FSTL5: variants seen among roughly 807,000 people sequenced by gnomAD.
FSTL5 encodes follistatin-related protein 5.
A neutral mutation model predicts 89.1 loss-of-function variants in FSTL5; 62 were observed. The ratio of observed to expected loss-of-function variants is 0.70; its 90% confidence interval spans 0.57 to 0.86. The LOEUF is 0.86. FSTL5 is among the 40% of genes least tolerant of loss of function. The pLI is 0.00. For missense variants in FSTL5, 1,057 were observed against 1,001.6 expected (o/e 1.06, Z -0.75); for synonymous variants, 383 against 346.2 (o/e 1.11, Z -1.18).
chr4:161,775,389 A>T (rs945917100), intron 5 of FSTL5, among the ~76,000 whole-genome samples: 1 of 152,182 alleles, frequency 6.6e-6, no homozygotes, highest in African/African-American at 2.4e-5. Context: ...CAAACTGAAT[A>T]TGCAGTAATT....
At chr4:162,056,387 T>C (rs2111269475) in intron 2 of FSTL5, among the ~76,000 whole-genome samples, 1 of 152,174 alleles carries the variant, frequency 6.6e-6, no homozygotes, top group African/African-American at 2.4e-5. Flanking sequence ...TATTTTAGCA[T>C]GCAGGTATTC....
chr4:161,728,270 G>T (rs1019393396), intron 6 of FSTL5, among the ~76,000 whole-genome samples: 1 of 152,148 alleles, frequency 6.6e-6, no homozygotes, highest in African/African-American at 2.4e-5. Flanking sequence ...TTAACATGGG[G>T]TGTTTTTAAT....
At chr4:161,801,928 T>G (rs1011011421) in intron 4 of FSTL5, among the ~76,000 whole-genome samples, 5 of 151,778 alleles carry the variant, frequency 3.3e-5, no homozygotes, top group Middle Eastern at 3.4e-3. Context: ...GAAAATGTCT[T>G]TCTCCTGGTC....
intron 2 of FSTL5, among the ~76,000 whole-genome samples, chr4:162,082,110 A>G (rs1438957776): frequency 6.6e-6 from 1 of 151,764 alleles, no homozygotes; most frequent in Admixed American, 6.6e-5. Flanking sequence ...ATTTAGACAG[A>G]TAACACTCAG....
intron 6 of FSTL5, among the ~76,000 whole-genome samples, chr4:161,698,176 G>T (rs1738245827): frequency 6.6e-6 from 1 of 152,170 alleles, no homozygotes; most frequent in African/African-American, 2.4e-5. Flanking sequence ...ACAGCAAGAA[G>T]ATGGCCATTT....
intron 4 of FSTL5, among the ~76,000 whole-genome samples, chr4:161,912,720 C>G (rs1471875534): frequency 6.6e-6 from 1 of 152,038 alleles, no homozygotes; most frequent in East Asian, 1.9e-4. Flanking sequence ...GTGGAAATGA[C>G]TTTGGAACTG....
chr4:161,877,571 A>G (rs1009563570), intron 4 of FSTL5, among the ~76,000 whole-genome samples: 5 of 151,444 alleles, frequency 3.3e-5, no homozygotes, highest in Admixed American at 3.3e-4. Context: ...TCACTCCTGT[A>G]ATCCCAGCAC....
Position 162,154,058 on chromosome 4 carries a change from C to T in FSTL5, c.-17+9557G>A, listed in dbSNP as rs568401468. ...CTGATCTCGGGTGATCCACTCGCTT[C>T]GGCCTCCCAAAGTGCTGGGATTACA... is the stretch of plus-strand genomic sequence containing the variant. On this transcript the variant is annotated intron_variant, in intron 1 of 15. Coordinates refer to ENST00000306100, the MANE Select transcript of FSTL5 (RefSeq NM_020116.5). Among the ~76,000 whole-genome samples the T allele has an allele frequency of 3.7e-4, 56 of 151,918 alleles. No individual in the cohort carries two copies. The South Asian group carries it at 0.011, about 29-fold the overall frequency.
chr4:161,835,910 T>C (rs1461751953), intron 4 of FSTL5, among the ~76,000 whole-genome samples: 3 of 151,028 alleles, frequency 2.0e-5, no homozygotes, highest in Admixed American at 1.3e-4. Context: ...TCCTCAGGGA[T>C]CTAGAACTAG....
At chr4:162,004,631 G>T (rs557557196) in intron 3 of FSTL5, among the ~76,000 whole-genome samples, 2 of 152,184 alleles carry the variant, frequency 1.3e-5, no homozygotes, top group South Asian at 4.2e-4. Flanking sequence ...ACATTTCTTA[G>T]ACTACCACAC....
intron 1 of FSTL5, among the ~76,000 whole-genome samples, chr4:162,125,590 G>C (rs1350125675): frequency 6.6e-6 from 1 of 151,976 alleles, no homozygotes; most frequent in African/African-American, 2.4e-5. Context: ...ACTAGAGTTT[G>C]ATAATAATTC....
At chr4:161,553,231 C>T (rs1732273128) in intron 8 of FSTL5, among the ~76,000 whole-genome samples, 2 of 151,004 alleles carry the variant, frequency 1.3e-5, no homozygotes, top group Admixed American at 1.3e-4. Context: ...ATAATAATAT[C>T]CAATACAATC....
At chr4:161,721,710 TAA>T (rs1223852759) in intron 6 of FSTL5, among the ~76,000 whole-genome samples, 3 of 152,140 alleles carry the variant, frequency 2.0e-5, no homozygotes, top group Admixed American at 2.0e-4. Context: ...GGCTAGGATA[TAA>T]GTCACACTGC....
At chr4:161,994,829 G>T (rs1289931205) in intron 3 of FSTL5, among the ~76,000 whole-genome samples, 3 of 152,114 alleles carry the variant, frequency 2.0e-5, no homozygotes, top group African/African-American at 7.2e-5. Context: ...CATTCTGTAG[G>T]TTGTCTATTT....
At chr4:161,711,651 A>G (rs1738784895) in intron 6 of FSTL5, among the ~76,000 whole-genome samples, 1 of 152,140 alleles carries the variant, frequency 6.6e-6, no homozygotes, top group Non-Finnish European at 1.5e-5. Context: ...CCCTGATACC[A>G]AAACTATTCA....
intron 8 of FSTL5, among the ~76,000 whole-genome samples, chr4:161,570,838 G>A (rs935092989): frequency 2.0e-5 from 3 of 152,240 alleles, no homozygotes; most frequent in Non-Finnish European, 2.9e-5. Flanking sequence ...CAAGGGAGCC[G>A]GGTGTGGTGG....
intron 2 of FSTL5, among the ~76,000 whole-genome samples, chr4:162,099,234 C>G: frequency 6.6e-6 from 1 of 152,190 alleles, no homozygotes; most frequent in East Asian, 1.9e-4. Context: ...TGTCTACATA[C>G]ATCCAAGGGA....
At chr4:162,017,764 T>C (rs1190616806) in intron 3 of FSTL5, among the ~76,000 whole-genome samples, 2 of 152,216 alleles carry the variant, frequency 1.3e-5, no homozygotes, top group African/African-American at 4.8e-5. Context: ...TTTGATAAGT[T>C]CATCACACTC....
chr4:161,814,294 G>T (rs550361844), intron 4 of FSTL5, among the ~76,000 whole-genome samples: 1 of 152,214 alleles, frequency 6.6e-6, no homozygotes, highest in South Asian at 2.1e-4. Context: ...CTCAGGTCAA[G>T]TTAGTATAAA....
Sources: gnomAD v4.1 joint callset for allele counts (sites outside exome capture counted in the v4.1 genomes callset) on GRCh38, gnomAD v4.1.1 for gene constraint, MANE v1.5 for transcripts, NCBI Gene and HGNC (gene_info 2026-07-23, HGNC 2026-07-21) for gene names.